HSPA4: variants seen among roughly 807,000 people sequenced by gnomAD.
The protein encoded by HSPA4 is heat shock protein family A (Hsp70) member 4.
A neutral mutation model predicts 106.2 loss-of-function variants in HSPA4; 25 were observed. The observed-to-expected ratio is 0.24, with a 90% CI of 0.17 to 0.33. The LOEUF (loss-of-function observed/expected upper bound fraction) is 0.33. HSPA4 is among the 10% of genes least tolerant of loss of function. The pLI is 1.00. For synonymous variants in HSPA4, 332 were observed against 333.6 expected, an observed-to-expected ratio of 1.00 and a Z score of 0.05; for missense variants, 841 against 996.0, an observed-to-expected ratio of 0.84 and a Z score of 2.10.
At chr5:133,079,827 G>A (rs1765491732) in intron 7 of HSPA4, among the ~76,000 whole-genome samples, 1 of 152,100 alleles carries the variant, frequency 6.6e-6, no homozygotes, top group South Asian at 2.1e-4. Flanking sequence ...TTAATTCATC[G>A]TTTTGATGGT....
chr5:133,064,896 C>A, intron 1 of HSPA4, 84 bp from the exon 2 acceptor site: 1 of 1,123,332 alleles, frequency 8.9e-7, no homozygotes, highest in Non-Finnish European at 1.3e-6. Flanking sequence ...GGCATTTTAG[C>A]TGATACTCAG....
rs1480163486 is a variant in HSPA4 at position 133,086,697 on chromosome 5, G to T, written c.909-85G>T. 7.5e-6 allele frequency: 7 copies of T among 934,550 alleles called. No individual in the cohort carries two copies. The African/African-American group carries it at 1.1e-4, about 15-fold the overall frequency. The allele number at this position is 934,550 out of a possible 1,614,324, so 57.9% of individuals were successfully genotyped here. A position where few individuals can be genotyped will look rare whatever the true frequency, so the allele number is the denominator to read the frequency against. On this transcript the variant is annotated intron_variant, in intron 7 of 18. Transcript: ENST00000304858. ...ATTTTGCCAGCACTTGTTGTTACCTGTTTTTTATTATAGCCATCCATTCCA... is the reference window on the plus strand; with the variant it reads ...ATTTTGCCAGCACTTGTTGTTACCTTTTTTTTATTATAGCCATCCATTCCA...
At chr5:133,097,673 C>T (rs757982826) in intron 15 of HSPA4, among the ~76,000 whole-genome samples, 97 of 151,304 alleles carry the variant, frequency 6.4e-4, no homozygotes, top group Non-Finnish European at 1.1e-3. Flanking sequence ...CCCAGCCTCC[C>T]GAATAGCTGG....
chr5:133,093,564 C>A (rs1002336909), intron 13 of HSPA4, among the ~76,000 whole-genome samples: 2 of 151,804 alleles, frequency 1.3e-5, no homozygotes, highest in Admixed American at 1.3e-4. Context: ...GATCTCGGCT[C>A]ACTGCAGCCC....
In HSPA4 at chr5:133,106,114, T is replaced by A. The variant is rs1404442782; in HGVS notation, c.*1678T>A. On this transcript the variant is annotated 3_prime_UTR_variant, in exon 19 of 19. Coordinates refer to ENST00000304858, the MANE Select transcript of HSPA4 (RefSeq NM_002154.4). The stretch of plus-strand genomic sequence containing the variant: ...TAAAAAAAAAAAAATTTTTTTTTTT[T>A]TTTTTTTTTTTTTTTTTTTTTTTTT... The A allele has an allele frequency of 1.3e-4, 7 of 52,952 alleles. No homozygotes were observed. The highest frequency in any genetic ancestry group is 1.2e-4 in the African/African-American group (1 of 8,472). 3.3% of individuals were successfully genotyped at this position (52,952 alleles called of 1,614,324 possible). A position where few individuals can be genotyped will look rare whatever the true frequency, so the allele number is the denominator to read the frequency against.
At chr5:133,090,560 T>C (rs558851169) in intron 11 of HSPA4, among the ~76,000 whole-genome samples, 11 of 152,050 alleles carry the variant, frequency 7.2e-5, no homozygotes, top group African/African-American at 1.4e-4. Context: ...GAAACTCTTA[T>C]CTGGAAATAA....
At chr5:133,067,977 C>A (rs1482954382) in intron 3 of HSPA4, among the ~76,000 whole-genome samples, 1 of 151,400 alleles carries the variant, frequency 6.6e-6, no homozygotes, top group Non-Finnish European at 1.5e-5. Context: ...ACTGCCACCT[C>A]TGCCTCCTGG....
At chr5:133,087,970 C>A (rs1016836878) in intron 8 of HSPA4, among the ~76,000 whole-genome samples, 1 of 152,186 alleles carries the variant, frequency 6.6e-6, no homozygotes, top group East Asian at 1.9e-4. Context: ...TGGATTAGAA[C>A]ACTGGAGTAG....
intron 1 of HSPA4, among the ~76,000 whole-genome samples, chr5:133,063,770 G>GTT (rs1022689771): frequency 2.0e-5 from 3 of 149,782 alleles, no homozygotes; most frequent in African/African-American, 4.9e-5. Context: ...TTTTTTGTTT[G>GTT]TTTTGTTTTT....
chr5:133,089,353 C>T (rs1765616310), intron 10 of HSPA4, among the ~76,000 whole-genome samples, 192 bp downstream of exon 10: 1 of 152,136 alleles, frequency 6.6e-6, no homozygotes, highest in Admixed American at 6.5e-5. Flanking sequence ...CTGCTGAAAT[C>T]ATCAGTGCCT....
At chr5:133,055,202 C>A (rs1424920614) in intron 1 of HSPA4, among the ~76,000 whole-genome samples, 1 of 151,726 alleles carries the variant, frequency 6.6e-6, no homozygotes, top group African/African-American at 2.4e-5. Context: ...AACTTACAGG[C>A]ATGCCATACA....
chr5:133,061,080 AAAC>A (rs1765235763), intron 1 of HSPA4, among the ~76,000 whole-genome samples: 1 of 151,712 alleles, frequency 6.6e-6, no homozygotes, highest in Non-Finnish European at 1.5e-5. Flanking sequence ...AAGCTTCATT[AAAC>A]AACAGTACTT....
intron 14 of HSPA4, among the ~76,000 whole-genome samples, chr5:133,096,606 A>C (rs1581480837): frequency 6.6e-6 from 1 of 152,178 alleles, no homozygotes; most frequent in Non-Finnish European, 1.5e-5. Context: ...AGTAGGAGAA[A>C]TCGTATGGCA....
chr5:133,088,660 G>A (rs1285882864), intron 9 of HSPA4, 105 bp downstream of exon 9: 2 of 924,628 alleles, frequency 2.2e-6, no homozygotes, highest in African/African-American at 1.7e-5. Context: ...TGACTTCAGG[G>A]TGTTGAGATT....
Position 133,074,124 on chromosome 5 carries a change from A to G in HSPA4, c.661A>G (p.Lys221Glu), listed in dbSNP as rs762762736. Residue 221 changes from lysine (K) to glutamate (E), a missense_variant and splice_region_variant, in exon 6 of 19, where the codon AAA becomes GAA. Coordinates refer to ENST00000304858, the MANE Select transcript of HSPA4 (RefSeq NM_002154.4). ...SVCAFNRGKL[K>E]VLATAFDTTL... ...ATGTGCATTTAATAGAGGAAAACTG[A>G]AAGTAAGTATATATTTTTTTTCCAG... The G allele has an allele frequency of 3.8e-6, 6 of 1,581,562 alleles. No homozygotes were observed. In the South Asian group the frequency reaches 7.0e-5, roughly 19 times the overall value.
chr5:133,078,634 CCAAAAAAAA>C (rs1299598725), intron 7 of HSPA4, among the ~76,000 whole-genome samples: 54 of 77,570 alleles, frequency 7.0e-4, no homozygotes, highest in African/African-American at 2.5e-3. Context: ...GACACTGTCT[CCAAAAAAAA>C]AAAAAAAAAA....
intron 1 of HSPA4, among the ~76,000 whole-genome samples, chr5:133,056,795 TATAAC>T (rs1429954919): frequency 1.3e-5 from 2 of 152,208 alleles, no homozygotes; most frequent in African/African-American, 4.8e-5. Context: ...TTTACACAAA[TATAAC>T]AGATTAATTT....
chr5:133,066,033 T>C (rs1765301773), intron 2 of HSPA4, among the ~76,000 whole-genome samples: 1 of 152,208 alleles, frequency 6.6e-6, no homozygotes, highest in Non-Finnish European at 1.5e-5. Flanking sequence ...ATTTTCACAG[T>C]GTTCGAGATC....
rs1581485586 is a variant in HSPA4 at position 133,106,163 on chromosome 5, G to GTGTGT, written c.*1727_*1728insTGTGT. 1.7e-5 allele frequency: 2 copies of GTGTGT among 120,004 alleles called. No homozygotes were observed. Among genetic ancestry groups the GTGTGT allele is most frequent in the East Asian group, 2.7e-4 (1 of 3,660 alleles). 7.4% of individuals were successfully genotyped at this position (120,004 alleles called of 1,614,324 possible). ...TTTGGTGTGTGTGTGTGTGTGTGTG[G>GTGTGT]GGAAGGGTGTGGGTGCTGGGATGGG... On this transcript the variant is annotated 3_prime_UTR_variant, in exon 19 of 19. Transcript: ENST00000304858.
Sources: allele counts gnomAD v4.1 joint callset (sites outside exome capture counted in the v4.1 genomes callset), GRCh38; gene constraint gnomAD v4.1.1; transcripts MANE v1.5; gene names NCBI Gene and HGNC (gene_info 2026-07-23, HGNC 2026-07-21).